The following KCNB2 variants were observed in gnomAD, a reference collection of about 807,000 sequenced individuals.
KCNB2 encodes potassium voltage-gated channel subfamily B member 2, also known as delayed rectifier potassium channel protein.
KCNB2 carries 15 observed loss-of-function variants against 61.5 expected under a neutral mutation model. The ratio of observed to expected loss-of-function variants is 0.24; its 90% confidence interval spans 0.16 to 0.38. The LOEUF (loss-of-function observed/expected upper bound fraction) is 0.38. Ranked by LOEUF, KCNB2 falls within the 10% of genes least tolerant of loss-of-function variation. KCNB2 has a pLI of 1.00. For missense variants in KCNB2, 828 were observed against 1,125.2 expected, an observed-to-expected ratio of 0.74 and a Z score of 3.78; for synonymous variants, 457 against 446.0, an observed-to-expected ratio of 1.02 and a Z score of -0.31.
chr8:72,685,937 C>T (rs764193284), intron 2 of KCNB2, among the ~76,000 whole-genome samples: 5 of 152,092 alleles, frequency 3.3e-5, no homozygotes, highest in Admixed American at 6.5e-5. Context: ...TGCAGTGAGC[C>T]GAGATCGCGC....
At chr8:72,923,632 C>A (rs983417078) in intron 2 of KCNB2, among the ~76,000 whole-genome samples, 8 of 152,028 alleles carry the variant, frequency 5.3e-5, no homozygotes, top group Non-Finnish European at 1.2e-4. Context: ...GTGGTCCATT[C>A]AATTGGTTGG....
intron 2 of KCNB2, among the ~76,000 whole-genome samples, chr8:72,898,843 T>A (rs1228740840): frequency 6.6e-6 from 1 of 152,136 alleles, no homozygotes; most frequent in Admixed American, 6.6e-5. Flanking sequence ...GTCCCCATCT[T>A]TATGTCCATG....
intron 2 of KCNB2, among the ~76,000 whole-genome samples, chr8:72,884,948 C>T (rs1296404599): frequency 6.6e-6 from 1 of 152,054 alleles, no homozygotes; most frequent in Non-Finnish European, 1.5e-5. Flanking sequence ...ATTGGGATTT[C>T]AATTGGAATT....
At chr8:72,641,435 G>A (rs558022761) in intron 2 of KCNB2, among the ~76,000 whole-genome samples, 2 of 152,130 alleles carry the variant, frequency 1.3e-5, no homozygotes, top group South Asian at 2.1e-4. Context: ...AAAGAAATGG[G>A]CCTTCTAGAT....
chr8:72,757,920 G>GT (rs1332647013), intron 2 of KCNB2, among the ~76,000 whole-genome samples: 9 of 152,220 alleles, frequency 5.9e-5, no homozygotes, highest in African/African-American at 2.2e-4. Flanking sequence ...GTGGGGCCAA[G>GT]ATTACGATAC....
intron 2 of KCNB2, among the ~76,000 whole-genome samples, chr8:72,764,637 T>C (rs1381301612): frequency 6.6e-6 from 1 of 152,198 alleles, no homozygotes; most frequent in African/African-American, 2.4e-5. Context: ...AGGCCCCTTG[T>C]TTTGACCATC....
chr8:72,555,778 A>C (rs1806417180), intron 1 of KCNB2, among the ~76,000 whole-genome samples: 1 of 151,434 alleles, frequency 6.6e-6, no homozygotes, highest in Non-Finnish European at 1.5e-5. Context: ...ATTATACTTT[A>C]AGTTTTAGGG....
chr8:72,708,834 A>G (rs1807276974), intron 2 of KCNB2, among the ~76,000 whole-genome samples: 1 of 152,198 alleles, frequency 6.6e-6, no homozygotes, highest in African/African-American at 2.4e-5. Context: ...AAAGTCTGAC[A>G]CAGTTTAAAG....
intron 2 of KCNB2, among the ~76,000 whole-genome samples, chr8:72,913,315 T>C (rs1370004283): frequency 6.6e-6 from 1 of 152,222 alleles, no homozygotes; most frequent in African/African-American, 2.4e-5. Flanking sequence ...AATAATGATC[T>C]CATTATCATT....
At chr8:72,649,027 C>A (rs1806174545) in intron 2 of KCNB2, among the ~76,000 whole-genome samples, 1 of 152,028 alleles carries the variant, frequency 6.6e-6, no homozygotes, top group African/African-American at 2.4e-5. Flanking sequence ...GTGCATAATA[C>A]AAAACCATGC....
In KCNB2 at chr8:72,739,923, C is replaced by G. The variant is rs150473395; in HGVS notation, c.579+171610C>G. Among the ~76,000 whole-genome samples, 764 of 152,114 alleles carry G rather than the reference C, an allele frequency of 5.0e-3. 9 individuals are homozygous for G. Among genetic ancestry groups the G allele is most frequent in the Middle Eastern group, 0.037 (11 of 294 alleles). ...GTTGTGCCATGTACAATACTGTACA[C>G]AAAACAGACATTTAGTGAATATTTG... On this transcript the variant is annotated intron_variant, in intron 2 of 2. Coordinates refer to ENST00000523207, the MANE Select transcript of KCNB2 (RefSeq NM_004770.3).
At chr8:72,907,838 A>G (rs751326468) in intron 2 of KCNB2, among the ~76,000 whole-genome samples, 1 of 152,130 alleles carries the variant, frequency 6.6e-6, no homozygotes, top group Non-Finnish European at 1.5e-5. Context: ...GCCTTAATAT[A>G]CCCTAAGTGT....
At chr8:72,624,695 G>A (rs1328383591) in intron 2 of KCNB2, among the ~76,000 whole-genome samples, 1 of 152,216 alleles carries the variant, frequency 6.6e-6, no homozygotes. Context: ...GATTGATATG[G>A]CGGTCCCCAT....
In KCNB2 at chr8:72,748,103, A is replaced by G. The variant is rs117418958; in HGVS notation, c.579+179790A>G. ...ATAATAAAAAAGGCAAAGAAGGAGT[A>G]AATAAGATGATTAGAAGAAATAAGC... On this transcript the variant is annotated intron_variant, in intron 2 of 2. Transcript: ENST00000523207. 4.0e-3 allele frequency among the ~76,000 whole-genome samples: 607 copies of G among 152,352 alleles called. 3 individuals carry two copies. The highest frequency in any genetic ancestry group is 7.5e-3 in the Admixed American group (114 of 15,298).
intron 2 of KCNB2, among the ~76,000 whole-genome samples, chr8:72,864,421 C>T (rs1237229508): frequency 6.6e-6 from 1 of 152,188 alleles, no homozygotes; most frequent in African/African-American, 2.4e-5. Context: ...AAGCTATTCT[C>T]TTTTATCCTG....
intron 2 of KCNB2, among the ~76,000 whole-genome samples, chr8:72,747,050 T>C (rs536901518): frequency 1.3e-5 from 2 of 152,160 alleles, no homozygotes; most frequent in Non-Finnish European, 2.9e-5. Flanking sequence ...ACAACCGACA[T>C]GGAAATGATT....
intron 2 of KCNB2, among the ~76,000 whole-genome samples, chr8:72,582,545 G>C (rs1376334192): frequency 6.6e-6 from 1 of 152,198 alleles, no homozygotes; most frequent in East Asian, 1.9e-4. Context: ...TTTGAATCAA[G>C]ATAGACCTCC....
At chr8:72,611,450 G>A (rs1325018244) in intron 2 of KCNB2, among the ~76,000 whole-genome samples, 6 of 152,186 alleles carry the variant, frequency 3.9e-5, no homozygotes, top group South Asian at 4.2e-4. Context: ...ACTAAAGTTC[G>A]GTATCCGAAT....
At chr8:72,817,447 T>C (rs1224361430) in intron 2 of KCNB2, among the ~76,000 whole-genome samples, 1 of 152,152 alleles carries the variant, frequency 6.6e-6, no homozygotes, top group Non-Finnish European at 1.5e-5. Flanking sequence ...TGTAATGGCT[T>C]TGGAGCAAGC....
Sources: gnomAD v4.1 joint callset for allele counts (sites outside exome capture counted in the v4.1 genomes callset) on GRCh38, gnomAD v4.1.1 for gene constraint, MANE v1.5 for transcripts, NCBI Gene and HGNC (gene_info 2026-07-23, HGNC 2026-07-21) for gene names.